The following WRN variants were observed in gnomAD, a reference collection of about 807,000 sequenced individuals.
WRN encodes bifunctional 3'-5' exonuclease/ATP-dependent helicase WRN.
In WRN, 149 loss-of-function variants were observed where a neutral mutation model predicts 180.7. That is an observed-to-expected ratio of 0.82 (90% CI 0.72 to 0.94). WRN has a LOEUF of 0.94. WRN is among the 40% of genes least tolerant of loss of function. The pLI, the probability that WRN is intolerant of heterozygous loss-of-function variation, is 0.00. For synonymous variants in WRN, 548 were observed against 568.9 expected (o/e 0.96, Z 0.52); for missense variants, 1,661 against 1,700.1 (o/e 0.98, Z 0.40).
At chr8:31,038,815 C>T (rs954941483) in intron 1 of WRN, among the ~76,000 whole-genome samples, 1 of 152,064 alleles carries the variant, frequency 6.6e-6, no homozygotes, top group African/African-American at 2.4e-5. Flanking sequence ...GTCCCAGCAC[C>T]ACATGTTTAA....
At chr8:31,100,466 A>G (rs1329783681) in intron 17 of WRN, among the ~76,000 whole-genome samples, 2 of 152,130 alleles carry the variant, frequency 1.3e-5, no homozygotes, top group African/African-American at 2.4e-5. Context: ...GACTCTTTTT[A>G]TCTCTTTTAA....
intron 28 of WRN, among the ~76,000 whole-genome samples, chr8:31,144,981 A>G (rs1802802740): frequency 6.6e-6 from 1 of 152,186 alleles, no homozygotes; most frequent in Non-Finnish European, 1.5e-5. Context: ...CTGAAAGCTG[A>G]GAGAGGTGAG....
chr8:31,043,649 A>G (rs191201364), intron 1 of WRN, among the ~76,000 whole-genome samples: 1 of 152,304 alleles, frequency 6.6e-6, no homozygotes, highest in East Asian at 1.9e-4. Context: ...TTGAAAAAAT[A>G]TAGACTGTTA....
intron 33 of WRN, among the ~76,000 whole-genome samples, chr8:31,163,908 C>T (rs748866427): frequency 1.3e-5 from 2 of 150,728 alleles, no homozygotes; most frequent in South Asian, 2.1e-4. Context: ...GCTGGAGTGC[C>T]GTGGCACAAT....
intron 1 of WRN, among the ~76,000 whole-genome samples, chr8:31,055,772 A>G (rs1052398341): frequency 6.6e-6 from 1 of 152,202 alleles, no homozygotes; most frequent in Non-Finnish European, 1.5e-5. Context: ...AGAAAAAGAC[A>G]TGTCAAAGTC....
intron 31 of WRN, among the ~76,000 whole-genome samples, chr8:31,150,665 C>T (rs188294814): frequency 4.6e-5 from 7 of 152,250 alleles, no homozygotes; most frequent in Admixed American, 2.0e-4. Flanking sequence ...AGTAGTTGTC[C>T]AGGCTGCTGA....
intron 1 of WRN, among the ~76,000 whole-genome samples, chr8:31,044,388 A>G (rs1195605718): frequency 9.3e-6 from 1 of 107,208 alleles, no homozygotes; most frequent in African/African-American, 3.7e-5. Flanking sequence ...ATAGAGTCTC[A>G]CTCTGTTGCC....
chr8:31,082,594 A>G (rs1813358911), intron 9 of WRN, among the ~76,000 whole-genome samples: 1 of 151,650 alleles, frequency 6.6e-6, no homozygotes, highest in South Asian at 2.1e-4. Context: ...GATTATCAGG[A>G]TTTCATGATT....
chr8:31,147,740 G>T (rs1802918747), intron 30 of WRN, among the ~76,000 whole-genome samples: 1 of 152,036 alleles, frequency 6.6e-6, no homozygotes, highest in South Asian at 2.1e-4. Flanking sequence ...TTATCCAAAT[G>T]CCGAAACTCC....
chr8:31,039,092 C>T (rs1181794026), intron 1 of WRN, among the ~76,000 whole-genome samples: 1 of 152,076 alleles, frequency 6.6e-6, no homozygotes, highest in African/African-American at 2.4e-5. Context: ...TGAGGATCAC[C>T]TTTTCCATTT....
chr8:31,084,558 G>A (rs1813450733), intron 10 of WRN, among the ~76,000 whole-genome samples: 1 of 151,878 alleles, frequency 6.6e-6, no homozygotes, highest in Non-Finnish European at 1.5e-5. Flanking sequence ...TCTTTCTATG[G>A]ATTTTTGTGG....
At chr8:31,150,173 T>A (rs761000316) in intron 30 of WRN, among the ~76,000 whole-genome samples, 168 bp from the exon 31 acceptor site, 3 of 152,182 alleles carry the variant, frequency 2.0e-5, no homozygotes, top group African/African-American at 7.2e-5. Context: ...AAGAAAGAAA[T>A]TATAAAACAT....
At chr8:31,062,893 G>T (rs377659999) in intron 3 of WRN, among the ~76,000 whole-genome samples, 2 of 151,780 alleles carry the variant, frequency 1.3e-5, no homozygotes, top group Admixed American at 1.3e-4. Context: ...GTGCGGTGGC[G>T]AGATCATACT....
intron 1 of WRN, among the ~76,000 whole-genome samples, chr8:31,046,832 T>C (rs900649391): frequency 1.3e-5 from 2 of 152,238 alleles, no homozygotes; most frequent in African/African-American, 4.8e-5. Context: ...ACAGAGTCTC[T>C]GAAATACAGT....
intron 31 of WRN, among the ~76,000 whole-genome samples, chr8:31,153,840 A>T (rs1179437282): frequency 6.6e-6 from 1 of 152,154 alleles, no homozygotes; most frequent in African/African-American, 2.4e-5. Context: ...ATTTCCTCAT[A>T]TATGTATACA....
intron 33 of WRN, among the ~76,000 whole-genome samples, chr8:31,165,874 C>G (rs1803836416): frequency 6.6e-6 from 1 of 151,974 alleles, no homozygotes. Context: ...ATATAATGAC[C>G]AAGAGACAAA....
intron 16 of WRN, among the ~76,000 whole-genome samples, chr8:31,096,116 A>G (rs1813966182): frequency 6.6e-6 from 1 of 152,246 alleles, no homozygotes; most frequent in African/African-American, 2.4e-5. Context: ...TTAGAATACA[A>G]TATTAATTTC....
intron 30 of WRN, among the ~76,000 whole-genome samples, chr8:31,149,685 G>A (rs1486663765): frequency 2.6e-5 from 4 of 151,816 alleles, no homozygotes; most frequent in East Asian, 3.9e-4. Flanking sequence ...GTGTTGTCCA[G>A]GCTGGTGTTG....
chr8:31,076,148 T>G, intron 7 of WRN, 25 bp from the exon 8 acceptor site: 2 of 1,557,680 alleles, frequency 1.3e-6, no homozygotes, highest in Non-Finnish European at 1.8e-6. Context: ...GTTTGAAAAT[T>G]AATATTGATT....
Sources: gnomAD v4.1 joint callset for allele counts (sites outside exome capture counted in the v4.1 genomes callset) on GRCh38, gnomAD v4.1.1 for gene constraint, MANE v1.5 for transcripts, NCBI Gene and HGNC (gene_info 2026-07-23, HGNC 2026-07-21) for gene names.